The following ULK4 variants were observed in gnomAD, a reference collection of about 807,000 sequenced individuals.
ULK4 encodes inactive serine/threonine-protein kinase ULK4.
In ULK4, 133 loss-of-function variants were observed where a neutral mutation model predicts 160.6. The ratio of observed to expected loss-of-function variants is 0.83; its 90% CI spans 0.72 to 0.96. ULK4 has a LOEUF of 0.96. ULK4 is among the 40% of genes least tolerant of loss of function. ULK4 has a pLI of 0.00. For synonymous variants in ULK4, 534 were observed against 539.8 expected, an observed-to-expected ratio of 0.99 and a Z score of 0.15; for missense variants, 1,580 against 1,499.5, an observed-to-expected ratio of 1.05 and a Z score of -0.89.
intron 3 of ULK4, 27 bp from the exon 4 acceptor site, chr3:41,935,967 A>C: frequency 6.2e-7 from 1 of 1,601,016 alleles, no homozygotes; most frequent in Non-Finnish European, 8.5e-7. Context: ...AAAATCACCC[A>C]TTTCAACCCC....
intron 21 of ULK4, among the ~76,000 whole-genome samples, chr3:41,779,789 A>T (rs958056456): frequency 1.1e-5 from 1 of 88,142 alleles, no homozygotes; most frequent in African/African-American, 5.2e-5. Flanking sequence ...GAACAATGAG[A>T]TCACTTGGAC....
chr3:41,878,357 A>T (rs1392325740), intron 17 of ULK4, among the ~76,000 whole-genome samples: 1 of 152,188 alleles, frequency 6.6e-6, no homozygotes, highest in Non-Finnish European at 1.5e-5. Context: ...ACTGCAAAGG[A>T]CTAGACGATA....
At chr3:41,263,345 T>C (rs1315521587) in intron 35 of ULK4, among the ~76,000 whole-genome samples, 3 of 152,026 alleles carry the variant, frequency 2.0e-5, no homozygotes, top group Non-Finnish European at 2.9e-5. Flanking sequence ...GGCTCTGAGG[T>C]GGGAAACGGG....
chr3:41,562,339 T>C (rs2125596101), intron 32 of ULK4, among the ~76,000 whole-genome samples: 1 of 152,280 alleles, frequency 6.6e-6, no homozygotes, highest in South Asian at 2.1e-4. Flanking sequence ...TATTTTCTGT[T>C]TATTTGGGGT....
chr3:41,261,907 G>A (rs1399112520), intron 35 of ULK4, among the ~76,000 whole-genome samples: 1 of 152,192 alleles, frequency 6.6e-6, no homozygotes, highest in Non-Finnish European at 1.5e-5. Context: ...GATGAGAAGT[G>A]AATCAACAGT....
chr3:41,755,954 AAC>A (rs1559529702), intron 21 of ULK4, among the ~76,000 whole-genome samples: 1 of 152,202 alleles, frequency 6.6e-6, no homozygotes, highest in Non-Finnish European at 1.5e-5. Flanking sequence ...TGGGTCAGAA[AAC>A]ACAGATACAC....
Position 41,462,978 on chromosome 3 carries a change from T to C in ULK4, c.3393+109A>G, listed in dbSNP as rs1458198011. On this transcript the variant is annotated intron_variant, in intron 33 of 36. Transcript: ENST00000301831. The stretch of plus-strand genomic sequence containing the variant: ...AGACACTCTCTATAGAATTATACAT[T>C]CTTTTAAATAAGTAAAGACACAATA... 3.0e-6 allele frequency: 4 copies of C among 1,312,108 alleles called. No individual in the cohort carries two copies. The African/African-American group carries it at 5.9e-5, about 19-fold the overall frequency. The allele number at this position is 1,312,108 out of a possible 1,614,324, so 81.3% of individuals were successfully genotyped here. A position where few individuals can be genotyped will look rare whatever the true frequency, so the allele number is the denominator to read the frequency against.
intron 34 of ULK4, 35 bp downstream of exon 34, chr3:41,455,462 G>C (rs1193507941): frequency 6.4e-7 from 1 of 1,569,656 alleles, no homozygotes; most frequent in Non-Finnish European, 8.7e-7. Flanking sequence ...TTCAACTTCA[G>C]TAATGCCCCA....
intron 32 of ULK4, among the ~76,000 whole-genome samples, chr3:41,534,114 A>G (rs2086411028): frequency 6.6e-6 from 1 of 152,192 alleles, no homozygotes; most frequent in African/African-American, 2.4e-5. Flanking sequence ...CCGAAAGTAC[A>G]CTTTCTTTAT....
intron 21 of ULK4, among the ~76,000 whole-genome samples, chr3:41,756,359 A>G (rs1399884205): frequency 1.3e-5 from 2 of 152,230 alleles, no homozygotes; most frequent in African/African-American, 2.4e-5. Flanking sequence ...AAGAGCAAAT[A>G]TAACTCACCT....
intron 20 of ULK4, among the ~76,000 whole-genome samples, chr3:41,792,113 A>G (rs2040167437): frequency 1.3e-5 from 2 of 152,184 alleles, no homozygotes; most frequent in African/African-American, 4.8e-5. Context: ...CTTCAAATCT[A>G]AATTCCAAAT....
At chr3:41,563,914 T>C (rs567358410) in intron 32 of ULK4, among the ~76,000 whole-genome samples, 2 of 152,098 alleles carry the variant, frequency 1.3e-5, no homozygotes, top group Non-Finnish European at 2.9e-5. Context: ...TGGAGAGGAG[T>C]TGCGATCCTT....
chr3:41,959,478 T>C (rs1278814323), intron 1 of ULK4, among the ~76,000 whole-genome samples: 8 of 152,030 alleles, frequency 5.3e-5, no homozygotes, highest in Admixed American at 1.3e-4. Flanking sequence ...AGTGAGCCGA[T>C]TGCGCCACTG....
At chr3:41,672,325 T>C (rs2035570073) in intron 29 of ULK4, among the ~76,000 whole-genome samples, 1 of 152,094 alleles carries the variant, frequency 6.6e-6, no homozygotes, top group African/African-American at 2.4e-5. Context: ...CTAGTGTCCA[T>C]CAACGAATGT....
chr3:41,395,191 C>CA (rs11365283), intron 35 of ULK4, among the ~76,000 whole-genome samples: 1,127 of 106,274 alleles, frequency 0.011, 10 homozygotes, highest in Non-Finnish European at 0.016. Flanking sequence ...GAAAGCACTC[C>CA]AAAAAAAAAA....
intron 30 of ULK4, among the ~76,000 whole-genome samples, chr3:41,656,623 G>A (rs912237438): frequency 3.3e-5 from 5 of 152,166 alleles, no homozygotes; most frequent in Admixed American, 6.5e-5. Flanking sequence ...AATTAGAGAA[G>A]TCAACTGAAG....
chr3:41,939,771 AG>A (rs1226717180), intron 2 of ULK4, among the ~76,000 whole-genome samples: 1 of 144,326 alleles, frequency 6.9e-6, no homozygotes, highest in Non-Finnish European at 1.6e-5. Context: ...GTGAGCAGTC[AG>A]CAAGCAAGCA....
chr3:41,921,652 AAT>A (rs1404147417), intron 5 of ULK4, among the ~76,000 whole-genome samples: 2 of 152,162 alleles, frequency 1.3e-5, no homozygotes, highest in Non-Finnish European at 2.9e-5. Flanking sequence ...TTAACAAATA[AAT>A]GCACTAATAA....
chr3:41,374,493 C>T (rs1483403215), intron 35 of ULK4, among the ~76,000 whole-genome samples: 1 of 152,090 alleles, frequency 6.6e-6, no homozygotes, highest in Non-Finnish European at 1.5e-5. Flanking sequence ...ATATTCAACT[C>T]AATAAATGTA....
Sources: allele counts gnomAD v4.1 joint callset (sites outside exome capture counted in the v4.1 genomes callset), GRCh38; gene constraint gnomAD v4.1.1; transcripts MANE v1.5; gene names NCBI Gene and HGNC (gene_info 2026-07-23, HGNC 2026-07-21).